ANKH: variants seen among roughly 807,000 people sequenced by gnomAD.
ANKH encodes ANKH inorganic pyrophosphate transport regulator, also known as mineralization regulator ANKH.
ANKH carries 15 observed loss-of-function variants against 49.0 expected under a neutral mutation model. The ratio of observed to expected loss-of-function variants is 0.31; its 90% CI spans 0.20 to 0.47. The LOEUF is 0.47. Among genes scored for constraint, ANKH ranks in the 20% least tolerant of loss-of-function variants. The pLI is 1.00. For missense variants in ANKH, 429 were observed against 652.0 expected, an observed-to-expected ratio of 0.66 and a Z score of 3.72; for synonymous variants, 273 against 260.0, an observed-to-expected ratio of 1.05 and a Z score of -0.48.
intron 1 of ANKH, among the ~76,000 whole-genome samples, chr5:14,788,763 T>C (rs958379649): frequency 2.0e-5 from 3 of 152,046 alleles, no homozygotes; most frequent in African/African-American, 7.2e-5. Context: ...CACAGGGGGA[T>C]AGCTACACAA....
intron 1 of ANKH, among the ~76,000 whole-genome samples, chr5:14,809,528 G>A (rs183066474): frequency 3.3e-5 from 5 of 152,172 alleles, no homozygotes; most frequent in East Asian, 1.9e-4. Context: ...GCACTCCAAC[G>A]TGGGAGACAT....
chr5:14,867,879 C>T (rs1290356966), intron 1 of ANKH, among the ~76,000 whole-genome samples: 1 of 152,070 alleles, frequency 6.6e-6, no homozygotes, highest in Non-Finnish European at 1.5e-5. Flanking sequence ...CATTTTATTC[C>T]ATAGAGCTTT....
intron 8 of ANKH, among the ~76,000 whole-genome samples, chr5:14,735,291 C>T (rs1351888515): frequency 6.6e-6 from 1 of 152,178 alleles, no homozygotes; most frequent in Non-Finnish European, 1.5e-5. Context: ...CACAGGGCCA[C>T]ACTGCATAAA....
Position 14,710,846 on chromosome 5 carries a change from G to A in ANKH, c.*351C>T, listed in dbSNP as rs1461956815. 4 of 351,234 alleles carry A rather than the reference G, an allele frequency of 1.1e-5. No individual in the cohort carries two copies. The highest frequency in any genetic ancestry group is 7.3e-5 in the East Asian group (1 of 13,738). The allele number at this position is 351,234 out of a possible 1,614,324, so 21.8% of individuals were successfully genotyped here. ...CTGCTGTGCAGGGTGACCGAGGCGCGATGGCACAGCTGCAGTCCTTTGGTT... is the reference window on the plus strand; with the variant it reads ...CTGCTGTGCAGGGTGACCGAGGCGCAATGGCACAGCTGCAGTCCTTTGGTT... On this transcript the variant is annotated 3_prime_UTR_variant, in exon 12 of 12. Coordinates refer to ENST00000284268, the MANE Select transcript of ANKH (RefSeq NM_054027.6).
intron 1 of ANKH, among the ~76,000 whole-genome samples, chr5:14,858,921 C>T (rs1480097684): frequency 6.6e-6 from 1 of 151,288 alleles, no homozygotes; most frequent in Admixed American, 6.6e-5. Context: ...AACTACAATA[C>T]AATTAATAAA....
intron 1 of ANKH, among the ~76,000 whole-genome samples, chr5:14,790,428 T>C (rs1740125572): frequency 6.6e-6 from 1 of 152,206 alleles, no homozygotes; most frequent in Non-Finnish European, 1.5e-5. Flanking sequence ...ATCCACCTTC[T>C]ATGCAAACCA....
chr5:14,771,177 C>A (rs1387907752), intron 1 of ANKH, among the ~76,000 whole-genome samples: 2 of 152,138 alleles, frequency 1.3e-5, no homozygotes, highest in Non-Finnish European at 2.9e-5. Flanking sequence ...ACAAAAGATT[C>A]AAGAACTAAT....
intron 1 of ANKH, among the ~76,000 whole-genome samples, chr5:14,858,759 A>T (rs1221158549): frequency 1.6e-5 from 1 of 60,952 alleles, no homozygotes; most frequent in South Asian, 4.6e-4. Flanking sequence ...ATAAATAAAT[A>T]AAATAAAATA....
intron 8 of ANKH, 55 bp downstream of exon 8, chr5:14,741,751 CCCCCTTTAAAATAGCAACTTG>C: frequency 1.9e-6 from 2 of 1,036,094 alleles, no homozygotes; most frequent in Non-Finnish European, 3.0e-6. Context: ...AATAAGATTT[CCCCCTTTAAAATAGCAACTTG>C]CCCCTTTACA....
chr5:14,786,889 C>T (rs1395204095), intron 1 of ANKH, among the ~76,000 whole-genome samples: 1 of 152,168 alleles, frequency 6.6e-6, no homozygotes, highest in Non-Finnish European at 1.5e-5. Context: ...CGTTCTTTGT[C>T]ATGACACACA....
intron 1 of ANKH, among the ~76,000 whole-genome samples, chr5:14,811,764 T>C (rs1309578693): frequency 1.3e-5 from 2 of 152,212 alleles, no homozygotes; most frequent in South Asian, 2.1e-4. Flanking sequence ...ACTAAAAAAA[T>C]TTCTGAGCAG....
At chr5:14,782,930 A>C (rs529274754) in intron 1 of ANKH, among the ~76,000 whole-genome samples, 1 of 152,286 alleles carries the variant, frequency 6.6e-6, no homozygotes, top group Admixed American at 6.5e-5. Context: ...AAGAACCTCT[A>C]GGGGCTCCTT....
At chr5:14,802,284 T>A (rs980205716) in intron 1 of ANKH, among the ~76,000 whole-genome samples, 1 of 152,108 alleles carries the variant, frequency 6.6e-6, no homozygotes, top group Admixed American at 6.5e-5. Context: ...TGGCATTATC[T>A]CTGATGCTTC....
At position 14,804,843 on chromosome 5, in the gene ANKH, G is replaced by A. The variant is rs575601872; in HGVS notation, c.97-35652C>T. The stretch of plus-strand genomic sequence containing the variant: ...TTTGGTTCTTTCTCTGGCACATCTG[G>A]CTTTGGGATATTAGAGTAATCACTG... On this transcript the variant is annotated intron_variant, in intron 1 of 11. Transcript: ENST00000284268. Among the ~76,000 whole-genome samples the A allele has an allele frequency of 2.1e-3, 323 of 152,306 alleles. 1 individual carries two copies. In the Middle Eastern group the frequency reaches 0.037, roughly 18 times the overall value.
chr5:14,844,047 T>C (rs1741890109), intron 1 of ANKH, among the ~76,000 whole-genome samples: 1 of 152,200 alleles, frequency 6.6e-6, no homozygotes, highest in Non-Finnish European at 1.5e-5. Context: ...GGAGTCAAGT[T>C]CCCATTCACC....
rs1338625031 is a variant in ANKH at position 14,725,355 on chromosome 5, C to T, written c.1012-8520G>A. ...TCCACACTGAGATAAGCAGTTGACT[C>T]CATAAAGTAAATCGATGCCTGCCTT... On this transcript the variant is annotated intron_variant, in intron 8 of 11. Transcript: ENST00000284268. The surrounding 1 kb of genome is among the most constrained non-coding windows in gnomAD (Gnocchi z 4.0). 6.6e-6 allele frequency among the ~76,000 whole-genome samples: 1 copy of T among 152,178 alleles called. No homozygotes were observed. The highest frequency in any genetic ancestry group is 1.9e-4 in the East Asian group (1 of 5,196).
At chr5:14,746,494 G>C (rs896394803) in intron 6 of ANKH, among the ~76,000 whole-genome samples, 9 of 152,156 alleles carry the variant, frequency 5.9e-5, no homozygotes, top group African/African-American at 2.2e-4. Context: ...GGGGCCAGCT[G>C]ATCCATCAAG....
chr5:14,786,767 G>A (rs1040743949), intron 1 of ANKH, among the ~76,000 whole-genome samples: 1 of 152,152 alleles, frequency 6.6e-6, no homozygotes, highest in African/African-American at 2.4e-5. Context: ...ATATCAAGAG[G>A]TATTATAATT....
chr5:14,823,035 A>C (rs77631463), intron 1 of ANKH, among the ~76,000 whole-genome samples: 1 of 148,338 alleles, frequency 6.7e-6, no homozygotes, highest in Non-Finnish European at 1.5e-5. Flanking sequence ...CTCCGTCTCA[A>C]AAAAAAAAAA....
Sources: gnomAD v4.1 joint callset for allele counts (sites outside exome capture counted in the v4.1 genomes callset) on GRCh38, gnomAD v4.1.1 for gene constraint, Gnocchi (gnomAD v3.1) non-coding constraint, MANE v1.5 for transcripts, NCBI Gene and HGNC (gene_info 2026-07-23, HGNC 2026-07-21) for gene names.